HECTD4: variants seen among roughly 807,000 people sequenced by gnomAD.
HECTD4 encodes HECT domain E3 ubiquitin protein ligase 4.
A neutral mutation model predicts 471.5 loss-of-function variants in HECTD4; 114 were observed. That is an observed-to-expected ratio of 0.24 (90% CI 0.21 to 0.28). HECTD4 has a LOEUF of 0.28. Among genes scored for constraint, HECTD4 ranks in the 10% least tolerant of loss-of-function variants. The pLI, the probability that HECTD4 is intolerant of heterozygous loss-of-function variation, is 1.00. For missense variants in HECTD4, 3,866 were observed against 5,651.5 expected, an observed-to-expected ratio of 0.68 and a Z score of 10.13; for synonymous variants, 2,012 against 2,256.0, an observed-to-expected ratio of 0.89 and a Z score of 3.07.
chr12:112,365,266 T>C (rs1013254764), intron 1 of HECTD4, among the ~76,000 whole-genome samples: 2 of 152,212 alleles, frequency 1.3e-5, no homozygotes, highest in Non-Finnish European at 1.5e-5. Flanking sequence ...GGATTATTAC[T>C]AGCCGGGTGT....
In HECTD4 at chr12:112,382,374, T is replaced by A. The variant is rs918324557; in HGVS notation, c.-246A>T. On this transcript the variant is annotated 5_prime_UTR_variant, in exon 1 of 76. Coordinates refer to ENST00000682272, the MANE Select transcript of HECTD4 (RefSeq NM_001388303.1). ...GCCGCCGCCGCCCTCAGGAGCAGGATCCGCCTCTGCCGCTCGGCAACCAAC... is the reference window on the plus strand; with the variant it reads ...GCCGCCGCCGCCCTCAGGAGCAGGAACCGCCTCTGCCGCTCGGCAACCAAC... The A allele has an allele frequency of 5.6e-6, 2 of 358,976 alleles. No individual in the cohort carries two copies. Among genetic ancestry groups the A allele is most frequent in the African/African-American group, 4.4e-5 (2 of 45,014 alleles). The allele number at this position is 358,976 out of a possible 1,614,324, so 22.2% of individuals were successfully genotyped here.
chr12:112,345,108 T>G (rs1357567416), intron 1 of HECTD4, among the ~76,000 whole-genome samples: 1 of 151,428 alleles, frequency 6.6e-6, no homozygotes, highest in Admixed American at 6.6e-5. Flanking sequence ...CCAAAAATAG[T>G]AGGGTGTGAT....
In HECTD4 at chr12:112,228,202, G is replaced by A. The variant is rs1292296894; in HGVS notation, c.6741C>T (p.Ser2247=). Reference sequence around the variant, plus strand: ...GACTTCCCTCCTGAGGAAGCAACATGGACTGGACTGCCTGTACTACCTTCT... The same window carrying A: ...GACTTCCCTCCTGAGGAAGCAACATAGACTGGACTGCCTGTACTACCTTCT... ...ITEKVVQAVQ[S]MLLPQEGSLS... is the part of the protein sequence containing the mutation. Residue 2247 remains serine (S), a synonymous_variant, in exon 43 of 76, where the codon TCC becomes TCT. Coordinates refer to ENST00000682272, the MANE Select transcript of HECTD4 (RefSeq NM_001388303.1). This position sits in a 1 kb window ranked among gnomAD's most constrained non-coding sequence, Gnocchi z 4.9. 6.2e-7 allele frequency: 1 copy of A among 1,613,710 alleles called. No homozygotes were observed. Among genetic ancestry groups the A allele is most frequent in the Non-Finnish European group, 8.5e-7 (1 of 1,179,838 alleles).
intron 22 of HECTD4, among the ~76,000 whole-genome samples, 186 bp from the exon 23 acceptor site, chr12:112,252,714 C>G (rs930175737): frequency 6.6e-6 from 1 of 152,176 alleles, no homozygotes; most frequent in Non-Finnish European, 1.5e-5. Flanking sequence ...AAGTGTCTCT[C>G]CTGATGAGGT....
intron 9 of HECTD4, among the ~76,000 whole-genome samples, chr12:112,277,525 C>T (rs779555380): frequency 2.6e-5 from 4 of 152,168 alleles, no homozygotes; most frequent in African/African-American, 7.2e-5. Context: ...TCAGTGACCA[C>T]GTAGTGATCC....
At chr12:112,264,820 G>A (rs1332287599) in intron 16 of HECTD4, among the ~76,000 whole-genome samples, 1 of 152,056 alleles carries the variant, frequency 6.6e-6, no homozygotes, top group Non-Finnish European at 1.5e-5. Context: ...GCTGGAGTGC[G>A]GTGGCGCGAT....
At chr12:112,261,174 CT>C in intron 18 of HECTD4, 130 bp downstream of exon 18, 1 of 1,014,398 alleles carries the variant, frequency 9.9e-7, no homozygotes, top group Admixed American at 3.2e-5. Flanking sequence ...AACACTTGCC[CT>C]TTTAGCCTAT....
rs759466323 is a variant in HECTD4 at position 112,163,217 on chromosome 12, G to A, written c.12945C>T (p.Ile4315=). The A allele has an allele frequency of 3.7e-6, 6 of 1,613,836 alleles. No homozygotes were observed. The highest frequency in any genetic ancestry group is 3.3e-5 in the Admixed American group (2 of 59,992). ...TCTCCAGGGCCCCCCAGAAGAACTC[G>A]ATGTGCTGGTCCGTCTCCATCAGCC... is the stretch of plus-strand genomic sequence containing the variant. The part of the protein sequence containing the change: ...QVGLMETDQH[I]EFFWGALEMF... Residue 4315 remains isoleucine, a synonymous_variant, in exon 75 of 76, where the codon ATC becomes ATT. Transcript: ENST00000682272. The surrounding 1 kb of genome is among the most constrained non-coding windows in gnomAD (Gnocchi z 8.2).
At position 112,185,418 on chromosome 12, in the gene HECTD4, C is replaced by T; in HGVS notation, c.9548G>A (p.Arg3183His). 2 of 1,594,164 alleles carry T rather than the reference C, an allele frequency of 1.3e-6. No homozygotes were observed. The highest frequency in any genetic ancestry group is 1.7e-6 in the Non-Finnish European group (2 of 1,169,032). ...LVFHLLAELL[R>H]TVHTLEQRRH... is the part of the protein sequence containing the mutation. ...CCTCTGCTCCAGGGTGTGCACCGTG[C>T]GCAGGAGCTCTGCCAGGAGATGGAA... The change falls in exon 61 of 76, where the codon CGC (arginine) becomes CAC (histidine). Residue 3183 changes from arginine (R) to histidine (H), a missense_variant. By Grantham distance (29) the Arg-to-His change is conservative (BLOSUM62 0). Coordinates refer to ENST00000682272, the MANE Select transcript of HECTD4 (RefSeq NM_001388303.1).
chr12:112,296,074 T>C (rs1157216829), intron 7 of HECTD4, among the ~76,000 whole-genome samples: 5 of 152,176 alleles, frequency 3.3e-5, no homozygotes, highest in African/African-American at 1.2e-4. Context: ...ACTTGGTGTG[T>C]GTGAGTAACA....
At position 112,185,293 on chromosome 12, in the gene HECTD4, C is replaced by T. The variant is rs956181175; in HGVS notation, c.9673G>A (p.Glu3225Lys). ...LQSELHKLYD[E>K]ETQNWVSGGA... The stretch of plus-strand genomic sequence containing the variant: ...CCTGAGACCCAGTTCTGCGTCTCCT[C>T]GTCGTACAGCTTGTGGAGCTCCGAC... Residue 3225 changes from glutamate (E) to lysine (K), a missense_variant, in exon 61 of 76, where the codon GAG becomes AAG. Around this residue, in one of 16 missense-constraint regions of HECTD4, gnomAD observed 364 missense variants for 413.2 expected, o/e 0.88. Coordinates refer to ENST00000682272, the MANE Select transcript of HECTD4 (RefSeq NM_001388303.1). 2 of 1,556,764 alleles carry T rather than the reference C, an allele frequency of 1.3e-6. No individual in the cohort carries two copies. Among genetic ancestry groups the T allele is most frequent in the African/African-American group, 1.4e-5 (1 of 73,300 alleles).
chr12:112,270,406 C>T lies in HECTD4; in HGVS notation c.1996G>A (p.Ala666Thr). The T allele has an allele frequency of 6.2e-7, 1 of 1,613,990 alleles. No homozygotes were observed. The highest frequency in any genetic ancestry group is 1.1e-5 in the South Asian group (1 of 91,088). ...AGATTGAGTTGGTGTATGCACATCG[C>T]ACCAACGTGGTGCAATAATTGGTTT... is the stretch of plus-strand genomic sequence containing the variant. ...VINQLLHHVG[A>T]MCIHQLNLLA... is the part of the protein sequence containing the mutation. Residue 666 changes from alanine (A) to threonine (T), a missense_variant, in exon 12 of 76, where the codon GCG (alanine) becomes ACG (threonine). By Grantham distance (58) the Ala-to-Thr change is moderately conservative (BLOSUM62 0). This residue lies in a region of HECTD4 where 525 missense variants were observed against 672.6 expected (regional missense o/e 0.78). Transcript: ENST00000682272.
intron 37 of HECTD4, among the ~76,000 whole-genome samples, chr12:112,234,148 A>G (rs2033448142): frequency 6.6e-6 from 1 of 152,154 alleles, no homozygotes; most frequent in Non-Finnish European, 1.5e-5. Context: ...AGGCTATTAA[A>G]CTATTTTCAA....
At chr12:112,174,467 T>G (rs2031361028) in intron 66 of HECTD4, among the ~76,000 whole-genome samples, 1 of 150,320 alleles carries the variant, frequency 6.7e-6, no homozygotes, top group Admixed American at 6.6e-5. Flanking sequence ...TTGATCAGGT[T>G]GGTCTCGAAC....
Position 112,235,728 on chromosome 12 carries a change from G to C in HECTD4, c.5501C>G (p.Ser1834Cys). 6.2e-7 allele frequency: 1 copy of C among 1,613,882 alleles called. No homozygotes were observed. Among genetic ancestry groups the C allele is most frequent in the Non-Finnish European group, 8.5e-7 (1 of 1,179,840 alleles). Residue 1834 changes from serine (S) to cysteine (C), a missense_variant, in exon 36 of 76, where the codon TCC becomes TGC. Physicochemically the swap from Ser to Cys is moderately radical, Grantham distance 112. Around this residue, in one of 16 missense-constraint regions of HECTD4, gnomAD observed 12 missense variants for 48.0 expected, o/e 0.25. Transcript: ENST00000682272. The surrounding 1 kb of genome is among the most constrained non-coding windows in gnomAD (Gnocchi z 5.0). Reference protein sequence around the residue: ...SQPACVSKLLSLLLDQRPSPK... With the variant: ...SQPACVSKLLCLLLDQRPSPK... The stretch of plus-strand genomic sequence containing the variant: ...AGACGGGCGTTGGTCAAGCAGCAGG[G>C]AGAGGAGTTTGGACACACAAGCTGG...
At position 112,172,835 on chromosome 12, in the gene HECTD4, G is replaced by T. The variant is rs2031282576; in HGVS notation, c.11621C>A (p.Ala3874Glu). The change falls in exon 67 of 76, where the codon GCA (alanine) becomes GAA (glutamate). Residue 3874 changes from alanine (A) to glutamate (E), a missense_variant. By Grantham distance (107) the Ala-to-Glu change is moderately radical. Transcript: ENST00000682272. ...GGTCCACTTTCTTGAGGCCTTCTGT[G>T]CATGTCGGACATCGATGCATGCGCA... ...ERCACIDVRHAQKASRKWTLE... is the reference protein window; with the variant it reads ...ERCACIDVRHEQKASRKWTLE... The T allele has an allele frequency of 3.8e-5, 62 of 1,613,984 alleles. No individual in the cohort carries two copies. The highest frequency in any genetic ancestry group is 5.2e-5 in the Non-Finnish European group (61 of 1,179,886).
At chr12:112,276,928 A>C (rs1437373118) in intron 9 of HECTD4, among the ~76,000 whole-genome samples, 1 of 152,220 alleles carries the variant, frequency 6.6e-6, no homozygotes, top group Admixed American at 6.5e-5. Context: ...AGAAAAATGG[A>C]AAATAACAAA....
chr12:112,229,588 T>G lies in HECTD4; in HGVS notation c.6519+110A>C, dbSNP rs569375336. ...TCCTTATTTAGCTTGAAGAAACAGG[T>G]TTTTTTGTACAGCTGGTTGGATAAT... On this transcript the variant is annotated intron_variant, in intron 41 of 75. Transcript: ENST00000682272. 2.0e-4 allele frequency: 229 copies of G among 1,135,828 alleles called. 1 individual carries two copies. In the African/African-American group the frequency reaches 2.9e-3, roughly 14 times the overall value. 70.4% of individuals were successfully genotyped at this position (1,135,828 alleles called of 1,614,324 possible). A position where few individuals can be genotyped will look rare whatever the true frequency, so the allele number is the denominator to read the frequency against.
intron 1 of HECTD4, among the ~76,000 whole-genome samples, chr12:112,369,984 A>C (rs1391397135): frequency 6.6e-6 from 1 of 152,170 alleles, no homozygotes; most frequent in Non-Finnish European, 1.5e-5. Context: ...ATGTGACCTT[A>C]GATGGCAAAA....
Sources: allele counts gnomAD v4.1 joint callset (sites outside exome capture counted in the v4.1 genomes callset), GRCh38; gene constraint gnomAD v4.1.1; regional missense constraint gnomAD v4.1.1; non-coding constraint Gnocchi (gnomAD v3.1); transcripts MANE v1.5; gene names NCBI Gene and HGNC (gene_info 2026-07-23, HGNC 2026-07-21).